Variants in ATP2A2 observed in about 807,000 individuals in gnomAD.
The protein encoded by ATP2A2 is ATPase sarcoplasmic/endoplasmic reticulum Ca2+ transporting 2.
Under a neutral mutation model 109.3 loss-of-function variants are expected in ATP2A2, and 14 were observed. The ratio of observed to expected loss-of-function variants is 0.13; its 90% CI spans 0.08 to 0.20. The LOEUF (loss-of-function observed/expected upper bound fraction) is 0.20, where lower values mean the gene tolerates loss of function less well. ATP2A2 is among the 10% of genes least tolerant of loss of function. The pLI, the probability that ATP2A2 is intolerant of heterozygous loss-of-function variation, is 1.00. For missense variants in ATP2A2, 657 were observed against 1,321.6 expected (o/e 0.50, Z 7.80); for synonymous variants, 506 against 490.9 (o/e 1.03, Z -0.41).
intron 5 of ATP2A2, among the ~76,000 whole-genome samples, chr12:110,322,029 C>T (rs1049100536): frequency 7.9e-5 from 12 of 151,948 alleles, no homozygotes; most frequent in African/African-American, 1.7e-4. Context: ...CTCGCTCTGC[C>T]GCCCAGGCTG....
At chr12:110,294,262 C>G (rs1287525335) in intron 4 of ATP2A2, among the ~76,000 whole-genome samples, 1 of 152,072 alleles carries the variant, frequency 6.6e-6, no homozygotes, top group East Asian at 1.9e-4. Context: ...CCAGGATGGT[C>G]TCGATCTCCT....
intron 5 of ATP2A2, among the ~76,000 whole-genome samples, chr12:110,300,390 T>C: frequency 7.2e-6 from 1 of 139,382 alleles, no homozygotes; most frequent in East Asian, 2.0e-4. Flanking sequence ...AATCTTGAAC[T>C]GTCGCCCAGG....
At chr12:110,320,824 A>T (rs914523097) in intron 5 of ATP2A2, among the ~76,000 whole-genome samples, 2 of 152,216 alleles carry the variant, frequency 1.3e-5, no homozygotes, top group Non-Finnish European at 2.9e-5. Flanking sequence ...CACATTGCTT[A>T]CTTAGGCTAT....
chr12:110,280,730 C>T (rs565274203), upstream of ATP2A2: 6 of 152,432 alleles, frequency 3.9e-5, no homozygotes, highest in African/African-American at 1.4e-4. Flanking sequence ...GGGAAGTGAA[C>T]TGCGGAATTC....
chr12:110,281,915 C>T lies in ATP2A2; in HGVS notation c.118+8C>T, dbSNP rs772647335. ...AGAGATGGGGCTCCAACGGTAGGTG[C>T]AGGGCGCTCCGCTGCAGGGGCCCGG... On this transcript the variant is annotated splice_region_variant and intron_variant, in intron 1 of 19. Coordinates refer to ENST00000539276, the MANE Select transcript of ATP2A2 (RefSeq NM_170665.4). 1.9e-6 allele frequency: 3 copies of T among 1,566,560 alleles called. No individual in the cohort carries two copies. The highest frequency in any genetic ancestry group is 2.6e-6 in the Non-Finnish European group (3 of 1,158,036).
chr12:110,304,183 A>G (rs1191085468), intron 5 of ATP2A2, among the ~76,000 whole-genome samples: 1 of 152,172 alleles, frequency 6.6e-6, no homozygotes, highest in Non-Finnish European at 1.5e-5. Context: ...TAGTTGATGG[A>G]CATTTGGGTT....
chr12:110,341,224 G>A (rs1301706220), intron 14 of ATP2A2, among the ~76,000 whole-genome samples: 1 of 152,084 alleles, frequency 6.6e-6, no homozygotes, highest in Non-Finnish European at 1.5e-5. Flanking sequence ...AGTCCCAGAG[G>A]AACAATCTGG....
chr12:110,308,544 T>TA (rs1168457009), intron 5 of ATP2A2, among the ~76,000 whole-genome samples: 1 of 152,242 alleles, frequency 6.6e-6, no homozygotes, highest in Non-Finnish European at 1.5e-5. Flanking sequence ...TTGCAACTAT[T>TA]ATATGGAACA....
chr12:110,329,913 C>T (rs2137822318), intron 8 of ATP2A2: 1 of 152,256 alleles, frequency 6.6e-6, no homozygotes, highest in South Asian at 2.1e-4. Flanking sequence ...ACAGAGTAGA[C>T]ATTTGTCACA....
rs115727513 is a variant in ATP2A2, at chr12:110,304,291, T to G, written c.463+7554T>G. Among the ~76,000 whole-genome samples, 1,230 of 152,340 alleles carry G rather than the reference T, an allele frequency of 8.1e-3. 1 individual carries two copies. The highest frequency in any genetic ancestry group is 9.5e-3 in the Non-Finnish European group (643 of 68,036). On this transcript the variant is annotated intron_variant, in intron 5 of 19. Transcript: ENST00000539276. ...GTGTGAACATAACATTTTCTCTCTG[T>G]TAGGTATGTACCTAAGCATGGAATT...
chr12:110,334,142 C>T lies in ATP2A2; in HGVS notation c.1418C>T (p.Ser473Leu), dbSNP rs377388101. The part of the protein sequence containing the change: ...SKIERANACN[S>L]VIKQLMKKEF... ...ATAGAACGTGCAAATGCCTGCAACT[C>T]AGTGAGTATTTGAACCTGGTTTATT... The change falls in exon 11 of 20, where the codon TCA (serine) becomes TTA (leucine). Residue 473 changes from serine to leucine, a missense_variant and splice_region_variant. By Grantham distance (145) the Ser-to-Leu change is moderately radical. Coordinates refer to ENST00000539276, the MANE Select transcript of ATP2A2 (RefSeq NM_170665.4). The T allele has an allele frequency of 1.2e-6, 2 of 1,613,860 alleles. No homozygotes were observed. The highest frequency in any genetic ancestry group is 1.7e-6 in the Non-Finnish European group (2 of 1,180,024).
chr12:110,287,678 G>A (rs1398891208), intron 3 of ATP2A2, among the ~76,000 whole-genome samples: 6 of 152,008 alleles, frequency 3.9e-5, no homozygotes, highest in African/African-American at 1.2e-4. Context: ...GCAGTGGTGC[G>A]ATCTTGGCTC....
Position 110,339,566 on chromosome 12 carries a change from A to T in ATP2A2, c.1606A>T (p.Met536Leu), listed in dbSNP as rs770371513. ...TCGAGTTGGAAGTACTAAGGTTCCT[A>T]TGACCTCTGGAGTCAAACAGAAGAT... Reference protein sequence around the residue: ...HIRVGSTKVPMTSGVKQKIMS... With the variant: ...HIRVGSTKVPLTSGVKQKIMS... The change falls in exon 13 of 20, where the codon ATG (methionine) becomes TTG (leucine). Residue 536 changes from methionine (M) to leucine (L), a missense_variant. Physicochemically the swap from Met to Leu is conservative, Grantham distance 15. Around this residue, in one of 9 missense-constraint regions of ATP2A2, gnomAD observed 180 missense variants for 329.1 expected, o/e 0.55. Transcript: ENST00000539276. The surrounding 1 kb of genome is among the most constrained non-coding windows in gnomAD (Gnocchi z 4.4). 4.3e-6 allele frequency: 7 copies of T among 1,614,074 alleles called. No homozygotes were observed. The highest frequency in any genetic ancestry group is 1.7e-6 in the Non-Finnish European group (2 of 1,180,036).
At chr12:110,325,273 T>A (rs959377398) in intron 6 of ATP2A2, among the ~76,000 whole-genome samples, 2 of 152,182 alleles carry the variant, frequency 1.3e-5, no homozygotes, top group Non-Finnish European at 2.9e-5. Context: ...TACCTGTAAC[T>A]TAAAGTAACA....
At chr12:110,283,572 T>G (rs1240362517) in intron 3 of ATP2A2, among the ~76,000 whole-genome samples, 1 of 152,212 alleles carries the variant, frequency 6.6e-6, no homozygotes. Flanking sequence ...TGTTCGGTAT[T>G]AATTTTTTGT....
At chr12:110,300,230 T>C (rs1874459302) in intron 5 of ATP2A2, among the ~76,000 whole-genome samples, 1 of 146,038 alleles carries the variant, frequency 6.8e-6, no homozygotes, top group Non-Finnish European at 1.5e-5. Flanking sequence ...GCTTGCTCTC[T>C]TGTCCAGGCT....
Position 110,340,731 on chromosome 12 carries a change from C to T in ATP2A2, c.1834C>T (p.Leu612=). 2.5e-6 allele frequency: 4 copies of T among 1,614,042 alleles called. No homozygotes were observed. In the South Asian group the frequency reaches 3.3e-5, roughly 13 times the overall value. The change falls in exon 14 of 20, where the codon CTG becomes TTG. Residue 612 remains leucine (L), a synonymous_variant. Coordinates refer to ENST00000539276, the MANE Select transcript of ATP2A2 (RefSeq NM_170665.4). This position sits in a 1 kb window ranked among gnomAD's most constrained non-coding sequence, Gnocchi z 6.0. Reference sequence around the variant, plus strand: ...AATCGAGGTGGCCTCCTCCGTGAAGCTGTGCCGGCAAGCAGGCATCCGGGT... The same window carrying T: ...AATCGAGGTGGCCTCCTCCGTGAAGTTGTGCCGGCAAGCAGGCATCCGGGT... ...PRIEVASSVK[L]CRQAGIRVIM... is the part of the protein sequence containing the mutation.
In ATP2A2 at chr12:110,346,214, T is replaced by C. The variant is rs1879842590; in HGVS notation, c.2873T>C (p.Ile958Thr). Residue 958 changes from isoleucine to threonine, a missense_variant, in exon 20 of 20, where the codon ATC (isoleucine) becomes ACC (threonine). Transcript: ENST00000539276. ...YVEPLPLIFQ[I>T]TPLNVTQWLM... ...CCTGTGTGTCAGCTCATCTTCCAGA[T>C]CACACCGCTGAACGTGACCCAGTGG... is the stretch of plus-strand genomic sequence containing the variant. The C allele has an allele frequency of 1.9e-6, 3 of 1,614,172 alleles. No individual in the cohort carries two copies. Among genetic ancestry groups the C allele is most frequent in the Non-Finnish European group, 2.5e-6 (3 of 1,180,028 alleles).
chr12:110,326,516 C>G, intron 7 of ATP2A2, 41 bp downstream of exon 7: 40 of 1,522,328 alleles, frequency 2.6e-5, no homozygotes, highest in Non-Finnish European at 3.6e-5. Context: ...ACAGACATTT[C>G]CAAAGCCTAA....
Sources: allele counts gnomAD v4.1 joint callset (sites outside exome capture counted in the v4.1 genomes callset), GRCh38; gene constraint gnomAD v4.1.1; regional missense constraint gnomAD v4.1.1; non-coding constraint Gnocchi (gnomAD v3.1); transcripts MANE v1.5; gene names NCBI Gene and HGNC (gene_info 2026-07-23, HGNC 2026-07-21).